The following GREB1L variants were observed in gnomAD, a reference collection of about 807,000 sequenced individuals.
GREB1L encodes GREB1 like retinoic acid receptor coactivator.
Under a neutral mutation model 200.8 loss-of-function variants are expected in GREB1L, and 17 were observed. The ratio of observed to expected loss-of-function variants is 0.08; its 90% CI spans 0.06 to 0.13. The LOEUF is 0.13. Ranked by LOEUF, GREB1L falls within the 10% of genes least tolerant of loss-of-function variation. The pLI is 1.00. For synonymous variants in GREB1L, 789 were observed against 893.0 expected (o/e 0.88, Z 2.08); for missense variants, 1,657 against 2,367.7 (o/e 0.70, Z 6.23).
chr18:21,249,415 TTA>T (rs1944083183), intron 1 of GREB1L, among the ~76,000 whole-genome samples: 1 of 152,220 alleles, frequency 6.6e-6, no homozygotes, highest in South Asian at 2.1e-4. Context: ...CCAGGAATCT[TTA>T]TTAACAAACT....
chr18:21,504,610 A>T (rs1474996887), intron 23 of GREB1L, among the ~76,000 whole-genome samples: 2 of 152,176 alleles, frequency 1.3e-5, no homozygotes, highest in Non-Finnish European at 1.5e-5. Context: ...CTGAGGCAGG[A>T]TGATTGCTTG....
intron 4 of GREB1L, among the ~76,000 whole-genome samples, chr18:21,392,277 A>G (rs2040854903): frequency 6.6e-6 from 1 of 152,124 alleles, no homozygotes; most frequent in African/African-American, 2.4e-5. Context: ...TTTAGCTGCC[A>G]TCATCATCAT....
At chr18:21,279,871 TTTG>T in intron 1 of GREB1L, among the ~76,000 whole-genome samples, 1 of 152,302 alleles carries the variant, frequency 6.6e-6, no homozygotes, top group African/African-American at 2.4e-5. Context: ...TTGTTTTTAG[TTTG>T]TAGACTATTT....
chr18:21,428,285 A>G (rs1301685778), intron 7 of GREB1L, among the ~76,000 whole-genome samples: 1 of 133,276 alleles, frequency 7.5e-6, no homozygotes, highest in East Asian at 2.6e-4. Context: ...GTCTGATGGT[A>G]GTAGTGGGTT....
chr18:21,328,058 C>T (rs1230541931), intron 1 of GREB1L, among the ~76,000 whole-genome samples: 1 of 152,184 alleles, frequency 6.6e-6, no homozygotes, highest in East Asian at 1.9e-4. Flanking sequence ...AGCCTAACTT[C>T]AGGACCCACA....
chr18:21,271,143 A>G lies in GREB1L; in HGVS notation c.-120+28750A>G, dbSNP rs150172525. 2.0e-3 allele frequency among the ~76,000 whole-genome samples: 310 copies of G among 152,312 alleles called. 2 individuals are homozygous for G. The highest frequency in any genetic ancestry group is 7.0e-3 in the African/African-American group (292 of 41,578). On this transcript the variant is annotated intron_variant, in intron 1 of 32. Coordinates refer to ENST00000424526, the MANE Select transcript of GREB1L (RefSeq NM_001142966.3). ...AGATGATGACAAACAATGAAGTGTG[A>G]CTGTTATTTAACAGTATATAACAGA...
At chr18:21,455,882 G>A (rs1317230258) in intron 15 of GREB1L, among the ~76,000 whole-genome samples, 4 of 149,290 alleles carry the variant, frequency 2.7e-5, no homozygotes, top group African/African-American at 9.8e-5. Context: ...GTTGTGCTCC[G>A]GATTCTGCAT....
rs201640539 is a variant in GREB1L at position 21,511,912 on chromosome 18, TGA to T, written c.4736-1906_4736-1905del. Among the ~76,000 whole-genome samples, 15 of 152,274 alleles carry T rather than the reference TGA, an allele frequency of 9.9e-5. No homozygotes were observed. In the East Asian group the frequency reaches 2.7e-3, roughly 27 times the overall value. The stretch of plus-strand genomic sequence containing the variant: ...TCCTACCTCAGTCTCCCAAAAATGC[TGA>T]GATTACAGGTGTGAGACATCGTGCC... On this transcript the variant is annotated intron_variant, in intron 27 of 32. Coordinates refer to ENST00000424526, the MANE Select transcript of GREB1L (RefSeq NM_001142966.3).
chr18:21,242,815 C>G (rs1368672298), intron 1 of GREB1L, among the ~76,000 whole-genome samples: 1 of 152,050 alleles, frequency 6.6e-6, no homozygotes. Context: ...CGAGGGGGCA[C>G]CTGGTTCGTC....
chr18:21,304,463 C>T (rs1225136595), intron 1 of GREB1L, among the ~76,000 whole-genome samples: 1 of 152,066 alleles, frequency 6.6e-6, no homozygotes, highest in Non-Finnish European at 1.5e-5. Flanking sequence ...TTTAAAGACA[C>T]AGTCCCCACC....
chr18:21,254,975 T>C (rs1215842693), intron 1 of GREB1L, among the ~76,000 whole-genome samples: 1 of 152,170 alleles, frequency 6.6e-6, no homozygotes, highest in Non-Finnish European at 1.5e-5. Context: ...ATAACTGATG[T>C]AGAATATTCA....
intron 1 of GREB1L, among the ~76,000 whole-genome samples, chr18:21,306,714 G>A (rs1051250565): frequency 6.6e-6 from 1 of 152,128 alleles, no homozygotes; most frequent in African/African-American, 2.4e-5. Context: ...AATATATAAT[G>A]ATTTTCCAGG....
chr18:21,337,847 C>T (rs1346890176), intron 1 of GREB1L, among the ~76,000 whole-genome samples: 1 of 151,768 alleles, frequency 6.6e-6, no homozygotes, highest in East Asian at 1.9e-4. Flanking sequence ...ATTAGCTGGG[C>T]GTGGTGGTGG....
chr18:21,393,122 T>G (rs1167440811), intron 4 of GREB1L, among the ~76,000 whole-genome samples: 1 of 152,192 alleles, frequency 6.6e-6, no homozygotes, highest in Non-Finnish European at 1.5e-5. Flanking sequence ...TGCCAGTAAC[T>G]GATAGCATTC....
At chr18:21,293,032 GGCAGTTT>G (rs1342081177) in intron 1 of GREB1L, among the ~76,000 whole-genome samples, 4 of 152,170 alleles carry the variant, frequency 2.6e-5, no homozygotes, top group African/African-American at 9.7e-5. Flanking sequence ...ACGAAGCAGG[GGCAGTTT>G]AGTAACTGGA....
At position 21,245,314 on chromosome 18, in the gene GREB1L, A is replaced by G. The variant is rs143394866; in HGVS notation, c.-120+2921A>G. On this transcript the variant is annotated intron_variant, in intron 1 of 32. Transcript: ENST00000424526. ...ATTTTGAATAAGTCTAATATAAATT[A>G]TAAATTCGCTGTAGGAATTGTTTGG... Among the ~76,000 whole-genome samples the G allele has an allele frequency of 3.0e-3, 459 of 152,354 alleles. 6 individuals carry two copies. Among genetic ancestry groups the G allele is most frequent in the African/African-American group, 0.011 (447 of 41,580 alleles).
intron 7 of GREB1L, among the ~76,000 whole-genome samples, chr18:21,406,713 T>G (rs1046396861): frequency 1.3e-5 from 2 of 152,168 alleles, no homozygotes; most frequent in African/African-American, 2.4e-5. Context: ...ATCAACAGTT[T>G]TTAGCCTCAA....
At chr18:21,269,262 A>G (rs1598617932) in intron 1 of GREB1L, among the ~76,000 whole-genome samples, 1 of 152,194 alleles carries the variant, frequency 6.6e-6, no homozygotes, top group South Asian at 2.1e-4. Flanking sequence ...ATTAGAGCAT[A>G]GGCTGTTTGA....
intron 1 of GREB1L, among the ~76,000 whole-genome samples, chr18:21,286,510 AAAAC>A (rs1341502812): frequency 6.6e-6 from 1 of 152,334 alleles, no homozygotes; most frequent in Non-Finnish European, 1.5e-5. Flanking sequence ...CTTTGGGCAA[AAAAC>A]AAACAAATAA....
Sources: gnomAD v4.1 joint callset for allele counts (sites outside exome capture counted in the v4.1 genomes callset) on GRCh38, gnomAD v4.1.1 for gene constraint, MANE v1.5 for transcripts, NCBI Gene and HGNC (gene_info 2026-07-23, HGNC 2026-07-21) for gene names.